The following PSMA1 variants were observed in gnomAD, a reference collection of about 807,000 sequenced individuals.
PSMA1 encodes the protein proteasome 20S subunit alpha 1.
PSMA1 carries 3 observed loss-of-function variants against 38.4 expected under a neutral mutation model. The ratio of observed to expected loss-of-function variants is 0.08; its 90% CI spans 0.04 to 0.20. PSMA1 has a LOEUF of 0.20. Among genes scored for constraint, PSMA1 ranks in the 10% least tolerant of loss-of-function variants. PSMA1 has a pLI of 1.00. For synonymous variants in PSMA1, 101 were observed against 107.1 expected, an observed-to-expected ratio of 0.94 and a Z score of 0.35; for missense variants, 227 against 325.3, an observed-to-expected ratio of 0.70 and a Z score of 2.32.
intron 2 of PSMA1, among the ~76,000 whole-genome samples, chr11:14,593,708 C>T (rs1486101018): frequency 2.1e-5 from 3 of 145,550 alleles, no homozygotes; most frequent in Non-Finnish European, 3.0e-5. Flanking sequence ...GCACAAAGAT[C>T]GGCTTTCTTT....
intron 2 of PSMA1, among the ~76,000 whole-genome samples, chr11:14,599,267 G>A (rs975825331): frequency 2.6e-5 from 4 of 152,092 alleles, no homozygotes; most frequent in Admixed American, 2.6e-4. Flanking sequence ...TGTATTTCCT[G>A]AATTTGAATG....
intron 2 of PSMA1, among the ~76,000 whole-genome samples, chr11:14,525,459 C>T (rs1479858560): frequency 6.6e-6 from 1 of 152,156 alleles, no homozygotes; most frequent in Non-Finnish European, 1.5e-5. Flanking sequence ...TCCCATCCCA[C>T]AGCACGCTTT....
At chr11:14,632,525 C>T (rs1392198315) in intron 1 of PSMA1, among the ~76,000 whole-genome samples, 4 of 148,240 alleles carry the variant, frequency 2.7e-5, no homozygotes, top group Non-Finnish European at 5.9e-5. Context: ...AGGGTTTCTG[C>T]CGAGAGATCC....
At chr11:14,600,779 C>G (rs759504968) in intron 2 of PSMA1, among the ~76,000 whole-genome samples, 1 of 152,176 alleles carries the variant, frequency 6.6e-6, no homozygotes, top group African/African-American at 2.4e-5. Context: ...GTGAGATGCA[C>G]CAGGTACCTC....
chr11:14,527,121 C>T (rs1039365627), intron 2 of PSMA1, among the ~76,000 whole-genome samples: 4 of 152,118 alleles, frequency 2.6e-5, no homozygotes, highest in Non-Finnish European at 5.9e-5. Flanking sequence ...TTCTCAAGGC[C>T]GCTTTACTTC....
intron 2 of PSMA1, among the ~76,000 whole-genome samples, chr11:14,593,298 A>G (rs997997681): frequency 6.6e-6 from 1 of 152,256 alleles, no homozygotes; most frequent in African/African-American, 2.4e-5. Context: ...AGCCTTGTAT[A>G]TCTACAATCT....
chr11:14,590,112 T>C (rs1179630570), intron 2 of PSMA1, among the ~76,000 whole-genome samples: 3 of 152,228 alleles, frequency 2.0e-5, no homozygotes, highest in Non-Finnish European at 2.9e-5. Flanking sequence ...ACATGCTGTA[T>C]GATTCTACTC....
At chr11:14,571,314 T>C (rs1016810568) in intron 2 of PSMA1, among the ~76,000 whole-genome samples, 4 of 152,164 alleles carry the variant, frequency 2.6e-5, no homozygotes, top group African/African-American at 9.7e-5. Flanking sequence ...CTGCCCGCCT[T>C]GGCCTCCCAA....
At chr11:14,507,475 T>C (rs967603791) in intron 9 of PSMA1, 181 bp downstream of exon 9, 1 of 545,756 alleles carries the variant, frequency 1.8e-6, no homozygotes, top group Non-Finnish European at 3.2e-6. Context: ...CCCCTTTTTG[T>C]GTTTATGGAG....
chr11:14,570,573 C>T (rs1007571140), intron 2 of PSMA1, among the ~76,000 whole-genome samples: 3 of 152,126 alleles, frequency 2.0e-5, no homozygotes, highest in Admixed American at 6.5e-5. Flanking sequence ...CATGCAGAAG[C>T]TTCAGTAGCC....
chr11:14,634,704 T>C (rs888733676), intron 1 of PSMA1, among the ~76,000 whole-genome samples: 1 of 152,192 alleles, frequency 6.6e-6, no homozygotes, highest in East Asian at 1.9e-4. Flanking sequence ...TAGGGGCTGG[T>C]AGTATACAAG....
chr11:14,568,007 T>A (rs560610932), intron 2 of PSMA1, among the ~76,000 whole-genome samples: 7 of 152,174 alleles, frequency 4.6e-5, no homozygotes, highest in Non-Finnish European at 8.8e-5. Context: ...GAAACACACA[T>A]AAAACTAGGT....
upstream of PSMA1, among the ~76,000 whole-genome samples, chr11:14,525,204 C>T (rs1185840752): frequency 6.6e-6 from 1 of 152,100 alleles, no homozygotes; most frequent in Non-Finnish European, 1.5e-5. Context: ...CCCCAACTGC[C>T]CACTTTCCTT....
At chr11:14,643,248 G>C (rs1174392060) in intron 1 of PSMA1, among the ~76,000 whole-genome samples, 1 of 151,944 alleles carries the variant, frequency 6.6e-6, no homozygotes, top group East Asian at 2.0e-4. Context: ...GGGTTTCTTC[G>C]CCATGGCCTT....
chr11:14,525,424 AC>A (rs1305562425), intron 2 of PSMA1, among the ~76,000 whole-genome samples: 2 of 151,396 alleles, frequency 1.3e-5, no homozygotes, highest in Admixed American at 1.3e-4. Flanking sequence ...AAATCTAATC[AC>A]CCTTACCCCG....
intron 1 of PSMA1, 199 bp from the exon 2 acceptor site, chr11:14,519,240 G>A (rs979356638): frequency 1.6e-6 from 1 of 635,104 alleles, no homozygotes; most frequent in African/African-American, 1.8e-5. Context: ...GGGAGAAGCA[G>A]ATCTAAATGG....
At chr11:14,638,488 G>T in intron 1 of PSMA1, among the ~76,000 whole-genome samples, 1 of 107,476 alleles carries the variant, frequency 9.3e-6, no homozygotes, top group African/African-American at 3.7e-5. Flanking sequence ...TTTTAAGTTG[G>T]CTTAGTGGAG....
At chr11:14,522,289 T>G (rs951736333), upstream of PSMA1, among the ~76,000 whole-genome samples, 1 of 152,220 alleles carries the variant, frequency 6.6e-6, no homozygotes, top group Non-Finnish European at 1.5e-5. Flanking sequence ...TGCAATTCAA[T>G]TGTTTCCAAG....
At chr11:14,507,447 T>A (rs1269122776) in intron 9 of PSMA1, 2 of 459,486 alleles carry the variant, frequency 4.4e-6, no homozygotes, top group Admixed American at 4.0e-5. Flanking sequence ...ATTACAGGCA[T>A]GAGCCACCGC....
Sources: allele counts gnomAD v4.1 joint callset (sites outside exome capture counted in the v4.1 genomes callset), GRCh38; gene constraint gnomAD v4.1.1; transcripts MANE v1.5; gene names NCBI Gene and HGNC (gene_info 2026-07-23, HGNC 2026-07-21).